Variants in CHD4 observed in about 807,000 individuals in gnomAD.
The protein encoded by CHD4 is ATP-dependent chromatin remodeler CHD4.
CHD4 carries 35 observed loss-of-function variants against 235.5 expected under a neutral mutation model. The observed-to-expected ratio is 0.15, with a 90% CI of 0.11 to 0.20. CHD4 has a LOEUF of 0.20. CHD4 is among the 10% of genes least tolerant of loss of function. CHD4 has a pLI of 1.00. For missense variants in CHD4, 1,329 were observed against 2,432.3 expected, an observed-to-expected ratio of 0.55 and a Z score of 9.54; for synonymous variants, 900 against 850.2, an observed-to-expected ratio of 1.06 and a Z score of -1.02.
intron 2 of CHD4, among the ~76,000 whole-genome samples, chr12:6,605,276 T>C (rs1428926125): frequency 6.6e-6 from 1 of 151,154 alleles, no homozygotes; most frequent in Non-Finnish European, 1.5e-5. Context: ...AATGAAGAAA[T>C]GACATGTAGA....
Position 6,599,947 on chromosome 12 carries a change from C to G in CHD4, c.1308G>C (p.Glu436Asp), listed in dbSNP as rs1280585417. The G allele has an allele frequency of 6.2e-7, 1 of 1,614,076 alleles. No homozygotes were observed. The highest frequency in any genetic ancestry group is 8.5e-7 in the Non-Finnish European group (1 of 1,180,044). Residue 436 changes from glutamate to aspartate, a missense_variant, in exon 10 of 40, where the codon GAG becomes GAC. This residue lies in a region of CHD4 where 37 missense variants were observed against 49.9 expected (regional missense o/e 0.74). Transcript: ENST00000544040. Reference sequence around the variant, plus strand: ...CCTCCTCTTCGAGGTCTCCCCCAACCTCTTCCAGGATCTCCTCACCCTCCG... The same window carrying G: ...CCTCCTCTTCGAGGTCTCCCCCAACGTCTTCCAGGATCTCCTCACCCTCCG... ...DNSEGEEILE[E>D]VGGDLEEEDD...
chr12:6,597,564 G>C (rs756823842), intron 12 of CHD4, among the ~76,000 whole-genome samples: 20 of 152,222 alleles, frequency 1.3e-4, no homozygotes, highest in Non-Finnish European at 2.2e-4. Flanking sequence ...AGGAGTTCAA[G>C]ACCAGCCTGG....
At position 6,596,035 on chromosome 12, in the gene CHD4, G is replaced by A; in HGVS notation, c.1995C>T (p.Asp665=). Residue 665 remains aspartate, a synonymous_variant, in exon 13 of 40, where the codon GAC becomes GAT. Transcript: ENST00000544040. ...ESEDVEIQDY[D]LFKQSYWNHR... ...GATTCCAATAGCTCTGCTTGAACAG[G>A]TCGTAATCCTGGATCTCCACATCCT... 1.2e-6 allele frequency: 2 copies of A among 1,613,606 alleles called. No homozygotes were observed. Among genetic ancestry groups the A allele is most frequent in the Non-Finnish European group, 1.7e-6 (2 of 1,179,912 alleles).
At chr12:6,571,966 A>T (rs1947980669) in intron 38 of CHD4, 1 of 152,462 alleles carries the variant, frequency 6.6e-6, no homozygotes, top group South Asian at 2.1e-4. Context: ...CATCTCAAAA[A>T]ACAAACAAAA....
chr12:6,573,124 G>A lies in CHD4; in HGVS notation c.5507C>T (p.Ser1836Phe). 6.2e-7 allele frequency: 1 copy of A among 1,611,372 alleles called. No homozygotes were observed. The highest frequency in any genetic ancestry group is 8.5e-7 in the Non-Finnish European group (1 of 1,178,876). ...ECLAESHQHL[S>F]KESMAGNKPA... ...CTTGTTTCCTGCCATTGACTCCTTGGACAGGTGCTGATGACTTTCCGCCAA... is the reference window on the plus strand; with the variant it reads ...CTTGTTTCCTGCCATTGACTCCTTGAACAGGTGCTGATGACTTTCCGCCAA... The change falls in exon 38 of 40, where the codon TCC (serine) becomes TTC (phenylalanine). Residue 1836 changes from serine to phenylalanine, a missense_variant. Ser to Phe is a radical substitution (Grantham distance 155). Around this residue, in one of 26 missense-constraint regions of CHD4, gnomAD observed 135 missense variants for 282.3 expected, o/e 0.48. Coordinates refer to ENST00000544040, the MANE Select transcript of CHD4 (RefSeq NM_001273.5).
At chr12:6,595,508 A>T (rs570367962) in intron 13 of CHD4, 78 bp from the exon 14 acceptor site, 1 of 1,253,998 alleles carries the variant, frequency 8.0e-7, no homozygotes, top group Non-Finnish European at 1.2e-6. Context: ...ACAGTGGCTC[A>T]CACCTGTAAT....
chr12:6,584,088 TG>T (rs1238979768), intron 25 of CHD4: 3 of 152,140 alleles, frequency 2.0e-5, no homozygotes, highest in African/African-American at 7.2e-5. Context: ...CAACCATAGA[TG>T]GAAAATATTC....
At position 6,592,449 on chromosome 12, in the gene CHD4, C is replaced by G; in HGVS notation, c.2892G>C (p.Lys964Asn). The G allele has an allele frequency of 6.2e-7, 1 of 1,611,456 alleles. No homozygotes were observed. The highest frequency in any genetic ancestry group is 8.5e-7 in the Non-Finnish European group (1 of 1,177,758). ...MLRRLKADVF[K>N]NMPSKTELIV... ...TTAGTTCTGTCTTGGAGGGCATGTT[C>G]TTGAACACATCGGCTTTGAGCCGCC... is the stretch of plus-strand genomic sequence containing the variant. Residue 964 changes from lysine to asparagine, a missense_variant, in exon 19 of 40, where the codon AAG (lysine) becomes AAC (asparagine). Physicochemically the swap from Lys to Asn is moderately conservative, Grantham distance 94. Coordinates refer to ENST00000544040, the MANE Select transcript of CHD4 (RefSeq NM_001273.5).
rs1332493568 is a variant in CHD4 at position 6,597,888 on chromosome 12, T to A, written c.1892+6A>T. The A allele has an allele frequency of 6.2e-7, 1 of 1,614,044 alleles. No homozygotes were observed. Among genetic ancestry groups the A allele is most frequent in the Non-Finnish European group, 8.5e-7 (1 of 1,179,880 alleles). ...ACTGCCCGTCTCCCGTGTGCTCAGC[T>A]GGTACCTGTGGTTGAGGATTCGGTG... On this transcript the variant is annotated splice_donor_region_variant and intron_variant, in intron 12 of 39. Coordinates refer to ENST00000544040, the MANE Select transcript of CHD4 (RefSeq NM_001273.5).
At chr12:6,597,277 AC>A (rs1948516072) in intron 12 of CHD4, among the ~76,000 whole-genome samples, 1 of 151,764 alleles carries the variant, frequency 6.6e-6, no homozygotes, top group African/African-American at 2.4e-5. Flanking sequence ...TCAAAAAAAA[AC>A]AATAATAATA....
intron 26 of CHD4, 25 bp from the exon 27 acceptor site, chr12:6,583,138 C>CGG: frequency 6.2e-7 from 1 of 1,606,016 alleles, no homozygotes; most frequent in Non-Finnish European, 8.5e-7. Context: ...GGCAGATGAG[C>CGG]GGGGCCCACT....
At chr12:6,602,310 T>C in intron 3 of CHD4, 66 bp downstream of exon 3, 2 of 1,608,698 alleles carry the variant, frequency 1.2e-6, no homozygotes, top group Non-Finnish European at 1.7e-6. Flanking sequence ...CCCTCAGCCC[T>C]TCAACCCTTC....
At position 6,600,970 on chromosome 12, in the gene CHD4, T is replaced by G; in HGVS notation, c.883A>C (p.Lys295Gln). The stretch of plus-strand genomic sequence containing the variant: ...GAACCAAAACCTCCCAGCTTGATTT[T>G]CAGGGGAGCTACTTTCTTGGGTTTA... ...KPKPKKVAPL[K>Q]IKLGGFGSKR... The change falls in exon 7 of 40, where the codon AAA becomes CAA. Residue 295 changes from lysine to glutamine, a missense_variant. Coordinates refer to ENST00000544040, the MANE Select transcript of CHD4 (RefSeq NM_001273.5). 1 of 1,608,818 alleles carries G rather than the reference T, an allele frequency of 6.2e-7. No individual in the cohort carries two copies. The highest frequency in any genetic ancestry group is 8.5e-7 in the Non-Finnish European group (1 of 1,178,108).
intron 15 of CHD4, 60 bp downstream of exon 15, chr12:6,594,399 A>C: frequency 2.0e-6 from 3 of 1,493,352 alleles, no homozygotes; most frequent in Non-Finnish European, 1.8e-6. Context: ...ACTCAGTGTA[A>C]GTTAAGGCTT....
intron 33 of CHD4, 52 bp from the exon 34 acceptor site, chr12:6,578,969 C>G: frequency 6.7e-7 from 1 of 1,500,890 alleles, no homozygotes; most frequent in Non-Finnish European, 9.3e-7. Flanking sequence ...ACATTCTCCT[C>G]TGTTGCACAC....
intron 10 of CHD4, 116 bp downstream of exon 10, chr12:6,599,657 C>G (rs1429130464): frequency 7.7e-7 from 1 of 1,301,324 alleles, no homozygotes; most frequent in Non-Finnish European, 1.1e-6. Context: ...AAGGAGAATA[C>G]CTTTCTCAGG....
chr12:6,570,097 C>CT lies in CHD4; in HGVS notation c.*578dup, dbSNP rs918433356. On this transcript the variant is annotated 3_prime_UTR_variant, in exon 40 of 40. Coordinates refer to ENST00000544040, the MANE Select transcript of CHD4 (RefSeq NM_001273.5). ...ACCAGAGCACTAAAATACAAGGAAA[C>CT]TTTTATTTTCAATTTTCATCAAGAA... The CT allele has an allele frequency of 3.9e-5, 6 of 152,974 alleles. No individual in the cohort carries two copies. The highest frequency in any genetic ancestry group is 1.4e-4 in the African/African-American group (6 of 41,410). The allele number at this position is 152,974 out of a possible 1,614,324, so 9.5% of individuals were successfully genotyped here.
intron 38 of CHD4, among the ~76,000 whole-genome samples, chr12:6,572,688 G>C (rs1409963190): frequency 6.6e-6 from 1 of 152,116 alleles, no homozygotes; most frequent in Admixed American, 6.5e-5. Context: ...CTCCTGAGTA[G>C]CTAGGATTAT....
chr12:6,603,611 C>T (rs890978002), intron 2 of CHD4, among the ~76,000 whole-genome samples: 1 of 151,986 alleles, frequency 6.6e-6, no homozygotes, highest in African/African-American at 2.4e-5. Flanking sequence ...AATTACCTGG[C>T]CCCAGGTCCA....
Sources: gnomAD v4.1 joint callset for allele counts (sites outside exome capture counted in the v4.1 genomes callset) on GRCh38, gnomAD v4.1.1 for gene constraint, gnomAD v4.1.1 regional missense constraint, MANE v1.5 for transcripts, NCBI Gene and HGNC (gene_info 2026-07-23, HGNC 2026-07-21) for gene names.